The following ADCY8 variants were observed in gnomAD, a reference collection of about 807,000 sequenced individuals.
The protein encoded by ADCY8 is adenylate cyclase type 8.
Under a neutral mutation model 119.7 loss-of-function variants are expected in ADCY8, and 51 were observed. The ratio of observed to expected loss-of-function variants is 0.43; its 90% CI spans 0.34 to 0.54. The LOEUF is 0.54. Ranked by LOEUF, ADCY8 falls within the 20% of genes least tolerant of loss-of-function variation. The pLI, the probability that ADCY8 is intolerant of heterozygous loss-of-function variation, is 0.03. For missense variants in ADCY8, 1,383 were observed against 1,598.8 expected (o/e 0.87, Z 2.30); for synonymous variants, 665 against 651.0 (o/e 1.02, Z -0.33).
chr8:130,790,370 A>G (rs1815388213), intron 15 of ADCY8, among the ~76,000 whole-genome samples: 1 of 152,090 alleles, frequency 6.6e-6, no homozygotes, highest in South Asian at 2.1e-4. Flanking sequence ...CTTGTTTTTA[A>G]TATCTATAAG....
At position 130,836,342 on chromosome 8, in the gene ADCY8, G is replaced by T. The variant is rs1429342603; in HGVS notation, c.2610C>A (p.Ala870=). The T allele has an allele frequency of 3.3e-5, 54 of 1,613,790 alleles. No individual in the cohort carries two copies. In the Admixed American group the frequency reaches 8.8e-4, roughly 26 times the overall value. Reference sequence around the variant, plus strand: ...CTGCGTAGACGGTCTCAGTGAGCAGGGCATAGATGGCAATCATGATCAGCA... The same window carrying T: ...CTGCGTAGACGGTCTCAGTGAGCAGTGCATAGATGGCAATCATGATCAGCA... ...AVLLIMIAIY[A]LLTETVYAGL... The change falls in exon 12 of 18, where the codon GCC becomes GCA. Residue 870 remains alanine, a synonymous_variant. Transcript: ENST00000286355.
At chr8:130,795,445 G>T (rs1488980857) in intron 15 of ADCY8, among the ~76,000 whole-genome samples, 1 of 152,214 alleles carries the variant, frequency 6.6e-6, no homozygotes, top group Non-Finnish European at 1.5e-5. Context: ...CTGCACACTC[G>T]CGAAGCCGAC....
chr8:130,947,172 T>C (rs1821129860), intron 3 of ADCY8, among the ~76,000 whole-genome samples: 1 of 152,170 alleles, frequency 6.6e-6, no homozygotes, highest in Non-Finnish European at 1.5e-5. Flanking sequence ...TACCTAATAG[T>C]CACTCTTCAA....
In ADCY8 at chr8:130,838,840, C is replaced by T. The variant is rs538201098; in HGVS notation, c.2503-2391G>A. 5.0e-5 allele frequency among the ~76,000 whole-genome samples: 7 copies of T among 141,092 alleles called. 2 individuals are homozygous for T. The East Asian group carries it at 1.6e-3, about 31-fold the overall frequency. The allele number at this position is 141,092 out of a possible 152,430, so 92.6% of individuals were successfully genotyped here. ...AAAATGTAAAGCAGACATAAAAATACAAACAATAATCATGGTGGAAAGTGC... is the reference window on the plus strand; with the variant it reads ...AAAATGTAAAGCAGACATAAAAATATAAACAATAATCATGGTGGAAAGTGC... On this transcript the variant is annotated intron_variant, in intron 11 of 17. Coordinates refer to ENST00000286355, the MANE Select transcript of ADCY8 (RefSeq NM_001115.3).
At chr8:130,996,819 C>G (rs1822792229) in intron 1 of ADCY8, among the ~76,000 whole-genome samples, 1 of 152,112 alleles carries the variant, frequency 6.6e-6, no homozygotes, top group Non-Finnish European at 1.5e-5. Flanking sequence ...TTAACAAAAC[C>G]AATCTGATAC....
chr8:131,031,251 C>T (rs1220170465), intron 1 of ADCY8, among the ~76,000 whole-genome samples: 1 of 152,190 alleles, frequency 6.6e-6, no homozygotes, highest in Non-Finnish European at 1.5e-5. Flanking sequence ...TCTCAAAAAG[C>T]AGCTCCCTGG....
At chr8:130,798,809 C>T (rs1207049615) in intron 15 of ADCY8, among the ~76,000 whole-genome samples, 2 of 152,126 alleles carry the variant, frequency 1.3e-5, no homozygotes, top group African/African-American at 4.8e-5. Flanking sequence ...CCATGTTCAT[C>T]TCAGCATGTT....
chr8:130,977,185 C>T (rs1490623740), intron 2 of ADCY8, among the ~76,000 whole-genome samples: 2 of 152,232 alleles, frequency 1.3e-5, no homozygotes, highest in African/African-American at 4.8e-5. Flanking sequence ...ACCTCCTCCT[C>T]AGAGCCTTTA....
At chr8:131,034,837 C>T (rs983439565) in intron 1 of ADCY8, among the ~76,000 whole-genome samples, 12 of 152,246 alleles carry the variant, frequency 7.9e-5, no homozygotes, top group East Asian at 5.8e-4. Context: ...TTAAATATTG[C>T]TGCCTCTCAG....
intron 11 of ADCY8, among the ~76,000 whole-genome samples, chr8:130,843,367 G>A (rs565011615): frequency 6.6e-6 from 1 of 152,124 alleles, no homozygotes; most frequent in Non-Finnish European, 1.5e-5. Context: ...ACCCTTTTCA[G>A]ATCTCTAGGT....
chr8:130,842,833 C>T (rs1419417013), intron 11 of ADCY8, among the ~76,000 whole-genome samples: 13 of 145,648 alleles, frequency 8.9e-5, no homozygotes, highest in African/African-American at 1.3e-4. Context: ...GATTGCACCA[C>T]TGCATTTCAG....
intron 9 of ADCY8, among the ~76,000 whole-genome samples, chr8:130,853,382 G>A (rs1324698892): frequency 6.6e-6 from 1 of 152,140 alleles, no homozygotes; most frequent in Non-Finnish European, 1.5e-5. Flanking sequence ...GGAGTGCGTT[G>A]GTTTAATCTT....
intron 4 of ADCY8, among the ~76,000 whole-genome samples, chr8:130,939,218 G>T (rs1047463916): frequency 6.6e-6 from 1 of 152,034 alleles, no homozygotes; most frequent in Non-Finnish European, 1.5e-5. Flanking sequence ...AGAACTACTG[G>T]AAAGACATAT....
At chr8:130,896,463 C>G (rs1819392335) in intron 7 of ADCY8, among the ~76,000 whole-genome samples, 1 of 151,940 alleles carries the variant, frequency 6.6e-6, no homozygotes, top group Admixed American at 6.6e-5. Flanking sequence ...AGAGGCTTGC[C>G]CCTTAGTTTG....
chr8:130,852,710 T>A (rs1817573533), intron 9 of ADCY8, among the ~76,000 whole-genome samples: 1 of 151,738 alleles, frequency 6.6e-6, no homozygotes, highest in South Asian at 2.1e-4. Flanking sequence ...GAGTGTCTGC[T>A]CTTGGCTCTC....
intron 1 of ADCY8, among the ~76,000 whole-genome samples, chr8:131,031,597 T>A (rs1372297682): frequency 1.3e-5 from 2 of 152,192 alleles, no homozygotes; most frequent in Non-Finnish European, 2.9e-5. Context: ...CTGAGGGCTT[T>A]ACCTTCATGA....
At chr8:130,860,815 G>A (rs997810474) in intron 9 of ADCY8, among the ~76,000 whole-genome samples, 7 of 151,804 alleles carry the variant, frequency 4.6e-5, no homozygotes, top group African/African-American at 1.5e-4. Context: ...AACAGGCCCC[G>A]GTGTGTGATG....
intron 4 of ADCY8, among the ~76,000 whole-genome samples, chr8:130,940,620 C>T (rs1290125286): frequency 1.3e-5 from 2 of 152,134 alleles, no homozygotes; most frequent in African/African-American, 4.8e-5. Context: ...ATACTATGAG[C>T]TGTCAGATGA....
intron 2 of ADCY8, among the ~76,000 whole-genome samples, chr8:130,974,855 T>C (rs1425502883): frequency 2.0e-5 from 3 of 152,186 alleles, no homozygotes; most frequent in Admixed American, 2.0e-4. Context: ...ACGGAGATAA[T>C]GGATTTTTAA....
Sources: allele counts gnomAD v4.1 joint callset (sites outside exome capture counted in the v4.1 genomes callset), GRCh38; gene constraint gnomAD v4.1.1; transcripts MANE v1.5; gene names NCBI Gene and HGNC (gene_info 2026-07-23, HGNC 2026-07-21).